SLC44A4: variants seen among roughly 807,000 people sequenced by gnomAD.
SLC44A4 encodes the protein solute carrier family 44 member 4.
A neutral mutation model predicts 97.0 loss-of-function variants in SLC44A4; 74 were observed. That is an observed-to-expected ratio of 0.76 (90% CI 0.63 to 0.93). The LOEUF (loss-of-function observed/expected upper bound fraction) is 0.93, where lower values mean the gene tolerates loss of function less well. Among genes scored for constraint, SLC44A4 ranks in the 40% least tolerant of loss-of-function variants. The probability of loss-of-function intolerance (pLI) is 0.00; values close to 1 mark genes in which losing one functional copy is unlikely to be tolerated. For synonymous variants in SLC44A4, 325 were observed against 363.8 expected (o/e 0.89, Z 1.21); for missense variants, 799 against 902.9 (o/e 0.88, Z 1.48).
chr6:31,874,843 A>T lies in SLC44A4; in HGVS notation c.346T>A (p.Cys116Ser). Residue 116 changes from cysteine (C) to serine (S), a missense_variant, in exon 6 of 21, where the codon TGT becomes AGT. Cys to Ser is a moderately radical substitution (Grantham distance 112, BLOSUM62 -1). Around this residue, in one of 3 missense-constraint regions of SLC44A4, gnomAD observed 409 missense variants for 434.1 expected, o/e 0.94. Coordinates refer to ENST00000229729, the MANE Select transcript of SLC44A4 (RefSeq NM_025257.3). This position sits in a 1 kb window ranked among gnomAD's most constrained non-coding sequence, Gnocchi z 4.8. Reference protein sequence around the residue: ...NGLQCPTPQVCVSSCPEDPWT... With the variant: ...NGLQCPTPQVSVSSCPEDPWT... ...GGGTCCTCCGGGCAGGAGGACACAC[A>T]CACCTGGGTGCAGAGAGAACACTAA... 6.2e-7 allele frequency: 1 copy of T among 1,612,080 alleles called. No homozygotes were observed. The highest frequency in any genetic ancestry group is 8.5e-7 in the Non-Finnish European group (1 of 1,179,184).
intron 13 of SLC44A4, among the ~76,000 whole-genome samples, chr6:31,866,540 G>A (rs613281): frequency 0.097 from 14,809 of 152,158 alleles, 1,402 homozygotes; most frequent in African/African-American, 0.24. Flanking sequence ...GATCCATCTC[G>A]ATGCATGTAC....
intron 7 of SLC44A4, among the ~76,000 whole-genome samples, chr6:31,872,848 A>G (rs614549): frequency 0.4 from 59,938 of 151,544 alleles, 12,099 homozygotes; most frequent in Middle Eastern, 0.51. Flanking sequence ...ACTTAAATTG[A>G]TAACTGGATA....
At position 31,864,655 on chromosome 6, in the gene SLC44A4, A is replaced by G. The variant is rs773706601; in HGVS notation, c.2008T>C (p.Phe670Leu). 1.2e-6 allele frequency: 2 copies of G among 1,613,854 alleles called. No homozygotes were observed. Among genetic ancestry groups the G allele is most frequent in the Non-Finnish European group, 1.7e-6 (2 of 1,179,954 alleles). ...GGTGGCTGGGGGTGTCACTCACGGAAGCAGAGGAAGAGCGTGTCCACACAC... is the reference window on the plus strand; with the variant it reads ...GGTGGCTGGGGGTGTCACTCACGGAGGCAGAGGAAGAGCGTGTCCACACAC... ...GMCVDTLFLC[F>L]LEDLERNNGS... Residue 670 changes from phenylalanine (F) to leucine (L), a missense_variant, in exon 20 of 21, where the codon TTC becomes CTC. This residue lies in a region of SLC44A4 where 379 missense variants were observed against 438.3 expected (regional missense o/e 0.86). Coordinates refer to ENST00000229729, the MANE Select transcript of SLC44A4 (RefSeq NM_025257.3).
rs549331790 is a variant in SLC44A4, at chr6:31,870,636, C to G, written c.1004G>C (p.Arg335Pro). The change falls in exon 11 of 21, where the codon CGT (arginine) becomes CCT (proline). Residue 335 changes from arginine (R) to proline (P), a missense_variant. Physicochemically the swap from Arg to Pro is moderately radical, Grantham distance 103 (BLOSUM62 -2). This residue lies in a region of SLC44A4 where 409 missense variants were observed against 434.1 expected (regional missense o/e 0.94). Coordinates refer to ENST00000229729, the MANE Select transcript of SLC44A4 (RefSeq NM_025257.3). ...CTCCTTCAGGAGGGCGATGGCAATACGAATCCGCTGCCGCAGGAAGATGAG... is the reference window on the plus strand; with the variant it reads ...CTCCTTCAGGAGGGCGATGGCAATAGGAATCCGCTGCCGCAGGAAGATGAG... ...LMLIFLRQRI[R>P]IAIALLKEAS... 1.2e-6 allele frequency: 2 copies of G among 1,607,772 alleles called. No homozygotes were observed. Among genetic ancestry groups the G allele is most frequent in the Admixed American group, 3.4e-5 (2 of 59,418 alleles).
intron 13 of SLC44A4, 120 bp from the exon 14 acceptor site, chr6:31,866,246 T>C: frequency 7.7e-7 from 1 of 1,298,958 alleles, no homozygotes; most frequent in South Asian, 1.4e-5. Context: ...AAGTAGCTTC[T>C]CTGGACTGCG....
intron 13 of SLC44A4, 121 bp downstream of exon 13, chr6:31,869,034 G>A: frequency 1.3e-6 from 1 of 742,318 alleles, no homozygotes. Flanking sequence ...GGTTGAGTGT[G>A]TGACCTTGCA....
Position 31,864,891 on chromosome 6 carries a change from A to T in SLC44A4, c.1851T>A (p.Phe617Leu). The stretch of plus-strand genomic sequence containing the variant: ...CCAGCCCCGGGATGCGACCGGAGAA[A>T]AAAAAGAAGGACAGGACCCCTGTGG... ...VGGVGVLSFF[F>L]FSGRIPGLGK... Residue 617 changes from phenylalanine to leucine, a missense_variant, in exon 19 of 21, where the codon TTT (phenylalanine) becomes TTA (leucine). Phe to Leu is a conservative substitution (Grantham distance 22). Coordinates refer to ENST00000229729, the MANE Select transcript of SLC44A4 (RefSeq NM_025257.3). 1 of 1,614,064 alleles carries T rather than the reference A, an allele frequency of 6.2e-7. No homozygotes were observed. Among genetic ancestry groups the T allele is most frequent in the Non-Finnish European group, 8.5e-7 (1 of 1,179,974 alleles).
In SLC44A4 at chr6:31,866,026, T is replaced by C. The variant is rs144263391; in HGVS notation, c.1334A>G (p.Tyr445Cys). Residue 445 changes from tyrosine to cysteine, a missense_variant, in exon 14 of 21, where the codon TAT becomes TGT. Transcript: ENST00000229729. The part of the protein sequence containing the change: ...IQRSVFNLQI[Y>C]GVLGLFWTLN... ...GGTCCAGAAGAGCCCCAGGACCCCA[T>C]AGATTTGCAGATTGAAGACAGAACG... 9 of 1,614,080 alleles carry C rather than the reference T, an allele frequency of 5.6e-6. No individual in the cohort carries two copies. In the East Asian group the frequency reaches 1.1e-4, roughly 20 times the overall value.
chr6:31,872,244 T>TTTA (rs1562452964), intron 7 of SLC44A4, among the ~76,000 whole-genome samples: 7 of 152,090 alleles, frequency 4.6e-5, no homozygotes, highest in Admixed American at 6.6e-5. Context: ...TTATTTATTT[T>TTTA]CTTATTTTTG....
chr6:31,872,946 C>T (rs191292619), intron 7 of SLC44A4, among the ~76,000 whole-genome samples: 1 of 152,130 alleles, frequency 6.6e-6, no homozygotes, highest in Admixed American at 6.5e-5. Flanking sequence ...GGCACCATCT[C>T]GGCTCACCGT....
Position 31,878,831 on chromosome 6 carries a change from G to C in SLC44A4, c.40+110C>G. 2.3e-6 allele frequency: 3 copies of C among 1,317,504 alleles called. No individual in the cohort carries two copies. Among genetic ancestry groups the C allele is most frequent in the Non-Finnish European group, 3.3e-6 (3 of 915,370 alleles). The allele number at this position is 1,317,504 out of a possible 1,614,324, so 81.6% of individuals were successfully genotyped here. ...CCGGTTCCCGGGCCCTCCCCTCAGG[G>C]ACACAGTACTCTCCTTAGTTCCTCT... On this transcript the variant is annotated intron_variant, in intron 1 of 20. Coordinates refer to ENST00000229729, the MANE Select transcript of SLC44A4 (RefSeq NM_025257.3). The surrounding 1 kb of genome is among the most constrained non-coding windows in gnomAD (Gnocchi z 4.0).
chr6:31,871,030 A>G lies in SLC44A4; in HGVS notation c.719T>C (p.Leu240Pro). The G allele has an allele frequency of 6.2e-7, 1 of 1,609,376 alleles. No individual in the cohort carries two copies. Among genetic ancestry groups the G allele is most frequent in the South Asian group, 1.1e-5 (1 of 90,654 alleles). ...YWILVALGVA[L>P]VLSLLFILLL... Reference sequence around the variant, plus strand: ...CAAGATAAACAGTAGGCTCAAGACCAGAGCCACCCCCAGGGCACTGTAGGC... The same window carrying G: ...CAAGATAAACAGTAGGCTCAAGACCGGAGCCACCCCCAGGGCACTGTAGGC... The change falls in exon 10 of 21, where the codon CTG becomes CCG. Residue 240 changes from leucine to proline, a missense_variant. Leu to Pro is a moderately conservative substitution (Grantham distance 98). Transcript: ENST00000229729.
chr6:31,864,996 T>C lies in SLC44A4; in HGVS notation c.1831+14A>G. 6.2e-7 allele frequency: 1 copy of C among 1,614,024 alleles called. No individual in the cohort carries two copies. The highest frequency in any genetic ancestry group is 1.1e-5 in the South Asian group (1 of 91,084). On this transcript the variant is annotated intron_variant, in intron 18 of 20. Coordinates refer to ENST00000229729, the MANE Select transcript of SLC44A4 (RefSeq NM_025257.3). Reference sequence around the variant, plus strand: ...CACCCCTACCCTCTGTCCCCACAGCTTCTGGTCCCTTACCCACGCCTCCGA... The same window carrying C: ...CACCCCTACCCTCTGTCCCCACAGCCTCTGGTCCCTTACCCACGCCTCCGA...
Position 31,877,507 on chromosome 6 carries a change from C to T in SLC44A4, c.41-425G>A. 2.7e-6 allele frequency: 2 copies of T among 739,720 alleles called. No individual in the cohort carries two copies. The highest frequency in any genetic ancestry group is 1.7e-6 in the Non-Finnish European group (1 of 595,042). The allele number at this position is 739,720 out of a possible 1,614,324, so 45.8% of individuals were successfully genotyped here. A position where few individuals can be genotyped will look rare whatever the true frequency, so the allele number is the denominator to read the frequency against. On this transcript the variant is annotated intron_variant, in intron 1 of 20. Coordinates refer to ENST00000229729, the MANE Select transcript of SLC44A4 (RefSeq NM_025257.3). This position sits in a 1 kb window ranked among gnomAD's most constrained non-coding sequence, Gnocchi z 6.5. The stretch of plus-strand genomic sequence containing the variant: ...CCTCCCCAGGGACCACACAGACCCA[C>T]AGCCCCTCAGGGAGGTCATGGCCTC...
At position 31,871,459 on chromosome 6, in the gene SLC44A4, G is replaced by A. The variant is rs1763173287; in HGVS notation, c.617+15C>T. On this transcript the variant is annotated intron_variant, in intron 8 of 20. Transcript: ENST00000229729. ...GAAGGGGTGTGGCCAGGATGTGGGG[G>A]AGGGAGGTGCCTACCTGATCCCCTG... The A allele has an allele frequency of 6.2e-7, 1 of 1,613,674 alleles. No individual in the cohort carries two copies. The highest frequency in any genetic ancestry group is 1.3e-5 in the African/African-American group (1 of 74,884).
At chr6:31,872,005 C>A (rs3130482) in intron 7 of SLC44A4, among the ~76,000 whole-genome samples, 89,346 of 151,716 alleles carry the variant, frequency 0.59, 26,928 homozygotes, top group Middle Eastern at 0.74. Flanking sequence ...TTCCCTTCTA[C>A]TCTGTACCTT....
Position 31,869,154 on chromosome 6 carries a change from C to A in SLC44A4, c.1233+1G>T. On this transcript the variant is annotated splice_donor_variant, in intron 13 of 20. Coordinates refer to ENST00000229729, the MANE Select transcript of SLC44A4 (RefSeq NM_025257.3). LOFTEE classifies it high-confidence loss of function. ...CCTCCATGTCCCCTGCTTCCTCTTA[C>A]CGTGGGGTTGCATGATGTATTTATT... is the stretch of plus-strand genomic sequence containing the variant. 2 of 1,602,884 alleles carry A rather than the reference C, an allele frequency of 1.2e-6. No individual in the cohort carries two copies. The highest frequency in any genetic ancestry group is 1.1e-5 in the South Asian group (1 of 89,132).
rs750457032 is a variant in SLC44A4, at chr6:31,870,851, T to A, written c.898A>T (p.Ser300Cys). 3 of 1,613,022 alleles carry A rather than the reference T, an allele frequency of 1.9e-6. No homozygotes were observed. The Admixed American group carries it at 5.0e-5, about 27-fold the overall frequency. ...ISQLGFTTNL[S>C]AYQSVQETWL... The stretch of plus-strand genomic sequence containing the variant: ...GTCTCCTGCACGCTCTGGTAGGCAC[T>A]GAGGTTGGTGGTGAAACCCAGCTGG... The change falls in exon 10 of 21, where the codon AGT (serine) becomes TGT (cysteine). Residue 300 changes from serine (S) to cysteine (C), a missense_variant. Ser to Cys is a moderately radical substitution (Grantham distance 112, BLOSUM62 -1). Coordinates refer to ENST00000229729, the MANE Select transcript of SLC44A4 (RefSeq NM_025257.3).
At chr6:31,873,340 G>T (rs960147738) in intron 7 of SLC44A4, among the ~76,000 whole-genome samples, 3 of 151,626 alleles carry the variant, frequency 2.0e-5, no homozygotes, top group African/African-American at 7.3e-5. Context: ...ATGCCACCAC[G>T]CCCAGCTAAG....
Sources: gnomAD v4.1 joint callset for allele counts (sites outside exome capture counted in the v4.1 genomes callset) on GRCh38, gnomAD v4.1.1 for gene constraint, gnomAD v4.1.1 regional missense constraint, Gnocchi (gnomAD v3.1) non-coding constraint, MANE v1.5 for transcripts, NCBI Gene and HGNC (gene_info 2026-07-23, HGNC 2026-07-21) for gene names.